Variants in EIF3H observed in about 807,000 individuals in gnomAD.
The protein encoded by EIF3H is eukaryotic translation initiation factor 3 subunit H, also known as eIF-3-gamma.
A neutral mutation model predicts 44.2 loss-of-function variants in EIF3H; 26 were observed. The observed-to-expected ratio is 0.59, with a 90% CI of 0.43 to 0.82. The LOEUF (loss-of-function observed/expected upper bound fraction) is 0.82. Among genes scored for constraint, EIF3H ranks in the 40% least tolerant of loss-of-function variants. The pLI is 0.00. For missense variants in EIF3H, 359 were observed against 432.8 expected, an observed-to-expected ratio of 0.83 and a Z score of 1.51; for synonymous variants, 166 against 151.9, an observed-to-expected ratio of 1.09 and a Z score of -0.68.
intron 5 of EIF3H, among the ~76,000 whole-genome samples, chr8:116,651,479 G>A (rs1276803810): frequency 2.6e-5 from 4 of 152,140 alleles, no homozygotes; most frequent in Non-Finnish European, 5.9e-5. Flanking sequence ...AAATCAGGAA[G>A]TTTTGGCTCT....
intron 2 of EIF3H, among the ~76,000 whole-genome samples, chr8:116,693,177 C>T (rs6983032): frequency 0.89 from 135,267 of 152,256 alleles, 60,384 homozygotes; most frequent in African/African-American, 0.96. Context: ...GTACTAAATT[C>T]AGTTATGTTA....
intron 1 of EIF3H, among the ~76,000 whole-genome samples, chr8:116,752,732 G>GAAAGAAAGAAA (rs753108369): frequency 9.2e-6 from 1 of 108,998 alleles, no homozygotes; most frequent in African/African-American, 3.5e-5. Context: ...AAGAAAGAAA[G>GAAAGAAAGAAA]AAGAGAAAGA....
intron 1 of EIF3H, 76 bp downstream of exon 1, chr8:116,755,590 T>C (rs942429156): frequency 2.0e-5 from 32 of 1,594,564 alleles, no homozygotes; most frequent in Non-Finnish European, 2.7e-5. Flanking sequence ...GGGAGAATGC[T>C]AGAAAGTACG....
chr8:116,646,408 C>T, intron 7 of EIF3H, 63 bp downstream of exon 7: 2 of 1,608,528 alleles, frequency 1.2e-6, no homozygotes, highest in South Asian at 2.2e-5. Context: ...GTAAATTTCT[C>T]ACTGTCTTCT....
intron 2 of EIF3H, among the ~76,000 whole-genome samples, chr8:116,678,445 T>C (rs1586449700): frequency 1.4e-5 from 2 of 141,330 alleles, no homozygotes; most frequent in Admixed American, 7.0e-5. Flanking sequence ...CGTCTCTGCC[T>C]GGCCCCCCAT....
intron 2 of EIF3H, among the ~76,000 whole-genome samples, chr8:116,706,011 C>G (rs11988508): frequency 0.017 from 2,551 of 151,178 alleles, 65 homozygotes; most frequent in African/African-American, 0.058. Flanking sequence ...TATCTAGCAG[C>G]CATGGATAAA....
chr8:116,751,720 G>C (rs1053229174), intron 1 of EIF3H, among the ~76,000 whole-genome samples: 1 of 152,168 alleles, frequency 6.6e-6, no homozygotes. Context: ...GCACAGATAA[G>C]AATACCTTAA....
At chr8:116,738,781 G>A (rs1468383012) in intron 1 of EIF3H, among the ~76,000 whole-genome samples, 1 of 152,156 alleles carries the variant, frequency 6.6e-6, no homozygotes, top group Non-Finnish European at 1.5e-5. Flanking sequence ...CTGAGCTACG[G>A]AATGCCGAGG....
intron 5 of EIF3H, among the ~76,000 whole-genome samples, chr8:116,649,914 CA>C (rs1007039567): frequency 6.6e-6 from 1 of 151,942 alleles, no homozygotes; most frequent in Admixed American, 6.6e-5. Context: ...ATATTGTAGG[CA>C]AAAGAAAATA....
chr8:116,721,330 C>T (rs561414732), intron 2 of EIF3H, among the ~76,000 whole-genome samples: 82 of 152,318 alleles, frequency 5.4e-4, no homozygotes, highest in African/African-American at 9.9e-4. Context: ...TGGGAACCTC[C>T]GCCTAAATTT....
chr8:116,727,013 TTGTAA>T (rs1814854731), intron 1 of EIF3H, among the ~76,000 whole-genome samples: 1 of 152,302 alleles, frequency 6.6e-6, no homozygotes, highest in African/African-American at 2.4e-5. Context: ...ACATTCAAAA[TTGTAA>T]TGTAAAGTTC....
chr8:116,667,506 T>C (rs1586441768), intron 2 of EIF3H, among the ~76,000 whole-genome samples: 1 of 149,514 alleles, frequency 6.7e-6, no homozygotes, highest in South Asian at 2.1e-4. Flanking sequence ...AATGAATTAA[T>C]AGTTTCCTTC....
Position 116,644,253 on chromosome 8 carries a change from G to A in EIF3H, c.*753C>T, listed in dbSNP as rs1813264412. ...AAAAATACAAAAATTAGCCAGGCGT[G>A]ATGGCACACGCCTGTAGTCCCAGCT... is the stretch of plus-strand genomic sequence containing the variant. On this transcript the variant is annotated 3_prime_UTR_variant, in exon 8 of 8. Coordinates refer to ENST00000521861, the MANE Select transcript of EIF3H (RefSeq NM_003756.3). 1 of 152,282 alleles carries A rather than the reference G, an allele frequency of 6.6e-6. No homozygotes were observed. The highest frequency in any genetic ancestry group is 1.5e-5 in the Non-Finnish European group (1 of 68,118). The allele number at this position is 152,282 out of a possible 1,614,324, so 9.4% of individuals were successfully genotyped here. A position where few individuals can be genotyped will look rare whatever the true frequency, so the allele number is the denominator to read the frequency against.
At chr8:116,755,884 T>G (rs756753173), upstream of EIF3H, 18 of 1,578,844 alleles carry the variant, frequency 1.1e-5, no homozygotes, top group Non-Finnish European at 1.5e-5. Flanking sequence ...CAGGCCGGCG[T>G]TCGAGGGGCG....
intron 1 of EIF3H, among the ~76,000 whole-genome samples, chr8:116,730,457 C>G (rs778269885): frequency 2.0e-5 from 3 of 152,184 alleles, no homozygotes; most frequent in Non-Finnish European, 2.9e-5. Context: ...CGCAACCCCC[C>G]ACGTGGAAAA....
intron 2 of EIF3H, among the ~76,000 whole-genome samples, chr8:116,661,839 G>T (rs1013245659): frequency 6.6e-6 from 1 of 152,114 alleles, no homozygotes; most frequent in Non-Finnish European, 1.5e-5. Context: ...TCTGATAAGG[G>T]TAAGAATGAA....
intron 6 of EIF3H, among the ~76,000 whole-genome samples, 182 bp from the exon 7 acceptor site, chr8:116,646,785 T>G (rs1235131805): frequency 6.6e-6 from 1 of 152,182 alleles, no homozygotes; most frequent in Non-Finnish European, 1.5e-5. Flanking sequence ...AGAAGAAAAT[T>G]CCTTTGTTGA....
intron 2 of EIF3H, among the ~76,000 whole-genome samples, chr8:116,673,846 C>T (rs989627399): frequency 2.0e-5 from 3 of 151,786 alleles, no homozygotes; most frequent in Admixed American, 1.3e-4. Flanking sequence ...CCGAAGCGGG[C>T]GGATCAGAGG....
chr8:116,647,657 GAA>G (rs1256947729), intron 6 of EIF3H, among the ~76,000 whole-genome samples: 1 of 152,164 alleles, frequency 6.6e-6, no homozygotes, highest in African/African-American at 2.4e-5. Flanking sequence ...CAGGTAATGA[GAA>G]ACCAAGCTGG....
Sources: allele counts gnomAD v4.1 joint callset (sites outside exome capture counted in the v4.1 genomes callset), GRCh38; gene constraint gnomAD v4.1.1; transcripts MANE v1.5; gene names NCBI Gene and HGNC (gene_info 2026-07-23, HGNC 2026-07-21).